The following PPL variants were observed in gnomAD, a reference collection of about 807,000 sequenced individuals.
PPL encodes the protein periplakin.
A neutral mutation model predicts 194.4 loss-of-function variants in PPL; 198 were observed. The observed-to-expected ratio is 1.02, with a 90% CI of 0.91 to 1.15. The LOEUF is 1.15. PPL is among the 50% of genes most tolerant of loss of function. The pLI is 0.00. For missense variants in PPL, 2,885 were observed against 2,294.8 expected (o/e 1.26, Z -5.25); for synonymous variants, 1,220 against 972.4 (o/e 1.25, Z -4.74).
At chr16:4,935,331 C>A (rs1318633600) in intron 1 of PPL, among the ~76,000 whole-genome samples, 1 of 152,108 alleles carries the variant, frequency 6.6e-6, no homozygotes, top group African/African-American at 2.4e-5. Flanking sequence ...GAGGGCGGGG[C>A]GAGGCCTGGC....
In PPL at chr16:4,891,949, C is replaced by G. The variant is rs747981593; in HGVS notation, c.1830G>C (p.Lys610Asn). ...LLQLLDLAQE[K>N]VDVANRLEKS... ...TCTCCAGGCGGTTGGCCACATCAACCCTGAGAGCACCAATCAGGCGTCGGG... is the reference window on the plus strand; with the variant it reads ...TCTCCAGGCGGTTGGCCACATCAACGCTGAGAGCACCAATCAGGCGTCGGG... The change falls in exon 16 of 22, where the codon AAG becomes AAC. Residue 610 changes from lysine (K) to asparagine (N), a missense_variant and splice_region_variant. Transcript: ENST00000345988. 3 of 1,612,322 alleles carry G rather than the reference C, an allele frequency of 1.9e-6. No individual in the cohort carries two copies. The South Asian group carries it at 3.3e-5, about 18-fold the overall frequency.
In PPL at chr16:4,899,365, T is replaced by C. The variant is rs1384372930; in HGVS notation, c.626A>G (p.Gln209Arg). ...QKLLAASQAR[Q>R]QHLSSLQDYM... is the part of the protein sequence containing the mutation. Reference sequence around the variant, plus strand: ...GTCCTGCAGCGAACTCAGGTGCTGCTGCCGGGCCTGTGATGCTGCCTGAAG... The same window carrying C: ...GTCCTGCAGCGAACTCAGGTGCTGCCGCCGGGCCTGTGATGCTGCCTGAAG... Residue 209 changes from glutamine to arginine, a missense_variant, in exon 7 of 22, where the codon CAG becomes CGG. Transcript: ENST00000345988. 1 of 1,608,906 alleles carries C rather than the reference T, an allele frequency of 6.2e-7. No individual in the cohort carries two copies. Among genetic ancestry groups the C allele is most frequent in the Non-Finnish European group, 8.5e-7 (1 of 1,177,476 alleles).
At chr16:4,894,742 G>A (rs1429857608) in intron 11 of PPL, 124 bp from the exon 12 acceptor site, 11 of 1,092,990 alleles carry the variant, frequency 1.0e-5, no homozygotes, top group East Asian at 2.6e-5. Flanking sequence ...GACCCTCCCC[G>A]TAGAGTGGGG....
chr16:4,888,416 A>G (rs184818528), intron 19 of PPL, among the ~76,000 whole-genome samples, 198 bp from the exon 20 acceptor site: 6 of 152,368 alleles, frequency 3.9e-5, no homozygotes, highest in Admixed American at 3.3e-4. Context: ...TCAGCAGTAC[A>G]TAGCTCCATC....
chr16:4,888,299 G>T (rs2088251840), intron 19 of PPL, 81 bp from the exon 20 acceptor site: 6 of 976,094 alleles, frequency 6.1e-6, no homozygotes, highest in African/African-American at 1.6e-5. Flanking sequence ...CCTTCAGGCT[G>T]ACCCAGACCT....
At chr16:4,930,490 T>C (rs1039287632) in intron 1 of PPL, among the ~76,000 whole-genome samples, 36 of 152,174 alleles carry the variant, frequency 2.4e-4, no homozygotes, top group Non-Finnish European at 4.6e-4. Flanking sequence ...TCTCTTGAAA[T>C]GCTGAGGGAA....
intron 1 of PPL, among the ~76,000 whole-genome samples, chr16:4,924,281 C>T (rs1016963826): frequency 2.0e-5 from 3 of 152,128 alleles, no homozygotes; most frequent in African/African-American, 2.4e-5. Context: ...ACATTATTAA[C>T]GGATATTTTA....
chr16:4,886,421 T>G (rs1279591502), intron 21 of PPL, among the ~76,000 whole-genome samples: 1 of 152,236 alleles, frequency 6.6e-6, no homozygotes, highest in African/African-American at 2.4e-5. Flanking sequence ...TGCTGCTCAC[T>G]GCACTTACAG....
chr16:4,924,811 C>A (rs1000106277), intron 1 of PPL, among the ~76,000 whole-genome samples: 4 of 152,250 alleles, frequency 2.6e-5, no homozygotes, highest in African/African-American at 9.6e-5. Context: ...CTGCTCACAG[C>A]CATCCCCTTC....
chr16:4,903,436 T>C (rs1568020991), intron 3 of PPL, among the ~76,000 whole-genome samples: 1 of 151,982 alleles, frequency 6.6e-6, no homozygotes, highest in African/African-American at 2.4e-5. Flanking sequence ...GCGCGGTGGC[T>C]CACATGTGTA....
At chr16:4,924,236 C>T (rs1450326301) in intron 1 of PPL, among the ~76,000 whole-genome samples, 6 of 152,168 alleles carry the variant, frequency 3.9e-5, no homozygotes. Context: ...CCTAATATAT[C>T]CAAAATATGA....
In PPL at chr16:4,883,329, T is replaced by C. The variant is rs1419812292; in HGVS notation, c.*55A>G. 3 of 1,605,362 alleles carry C rather than the reference T, an allele frequency of 1.9e-6. No homozygotes were observed. The African/African-American group carries it at 4.0e-5, about 21-fold the overall frequency. ...GAGAGGACGACACCAAGGAGGTCAC[T>C]GCGTCGTAGGAGAGGGCCAGCGTCT... On this transcript the variant is annotated 3_prime_UTR_variant, in exon 22 of 22. Transcript: ENST00000345988. The surrounding 1 kb of genome is among the most constrained non-coding windows in gnomAD (Gnocchi z 4.8).
In PPL at chr16:4,884,722, C is replaced by G; in HGVS notation, c.3933G>C (p.Leu1311=). The stretch of plus-strand genomic sequence containing the variant: ...TCTGCTCCTCTGAGAGCTTTGCCCT[C>G]AGAGACGCCACCTCCTCCTTGGTTT... The part of the protein sequence containing the change: ...DPQTKEEVAS[L]RAKLSEEQKK... Residue 1311 remains leucine (L), a synonymous_variant, in exon 22 of 22, where the codon CTG becomes CTC. Coordinates refer to ENST00000345988, the MANE Select transcript of PPL (RefSeq NM_002705.5). The surrounding 1 kb of genome is among the most constrained non-coding windows in gnomAD (Gnocchi z 5.7). The G allele has an allele frequency of 6.2e-7, 1 of 1,614,176 alleles. No individual in the cohort carries two copies.
In PPL at chr16:4,884,708, G is replaced by A. The variant is rs771408687; in HGVS notation, c.3947C>T (p.Ser1316Leu). The change falls in exon 22 of 22, where the codon TCA becomes TTA. Residue 1316 changes from serine (S) to leucine (L), a missense_variant. Ser to Leu is a moderately radical substitution (Grantham distance 145). Transcript: ENST00000345988. The surrounding 1 kb of genome is among the most constrained non-coding windows in gnomAD (Gnocchi z 5.7). ...EEVASLRAKL[S>L]EEQKKQVDLE... ...ATCCACTTGTTTCTTCTGCTCCTCT[G>A]AGAGCTTTGCCCTCAGAGACGCCAC... is the stretch of plus-strand genomic sequence containing the variant. 2 of 1,613,990 alleles carry A rather than the reference G, an allele frequency of 1.2e-6. No homozygotes were observed. The highest frequency in any genetic ancestry group is 1.7e-6 in the Non-Finnish European group (2 of 1,180,038).
chr16:4,920,561 C>T (rs2089029696), intron 1 of PPL, among the ~76,000 whole-genome samples: 1 of 152,012 alleles, frequency 6.6e-6, no homozygotes, highest in African/African-American at 2.4e-5. Flanking sequence ...TCTCTGGATT[C>T]AAGTGATTCT....
chr16:4,917,256 G>A (rs1311030150), intron 1 of PPL, among the ~76,000 whole-genome samples: 1 of 152,164 alleles, frequency 6.6e-6, no homozygotes, highest in Non-Finnish European at 1.5e-5. Flanking sequence ...ACTTTTTAGT[G>A]GAAACAACTC....
rs1318992620 is a variant in PPL at position 4,890,922 on chromosome 16, C to G, written c.1969-1G>C. On this transcript the variant is annotated splice_acceptor_variant, in intron 16 of 21. Coordinates refer to ENST00000345988, the MANE Select transcript of PPL (RefSeq NM_002705.5). LOFTEE classifies it high-confidence loss of function. ...GGGCCTGTAACTCACAGGCCATGGC[C>G]TGGCGGGGCAGAGGAGGAGACGGCG... The G allele has an allele frequency of 6.6e-7, 1 of 1,516,144 alleles. No individual in the cohort carries two copies. The highest frequency in any genetic ancestry group is 1.2e-5 in the South Asian group (1 of 81,832). The allele number at this position is 1,516,144 out of a possible 1,614,324, so 93.9% of individuals were successfully genotyped here. A position where few individuals can be genotyped will look rare whatever the true frequency, so the allele number is the denominator to read the frequency against.
chr16:4,912,977 G>A (rs1050922754), intron 1 of PPL, among the ~76,000 whole-genome samples: 8 of 152,058 alleles, frequency 5.3e-5, no homozygotes, highest in Admixed American at 2.0e-4. Context: ...GGTGGCATGC[G>A]CCTGTAGTCC....
chr16:4,920,712 C>T (rs1324633099), intron 1 of PPL, among the ~76,000 whole-genome samples: 4 of 152,196 alleles, frequency 2.6e-5, no homozygotes, highest in East Asian at 3.8e-4. Flanking sequence ...CTGCCTGCTT[C>T]GGCCTCCCAA....
Sources: allele counts gnomAD v4.1 joint callset (sites outside exome capture counted in the v4.1 genomes callset), GRCh38; gene constraint gnomAD v4.1.1; non-coding constraint Gnocchi (gnomAD v3.1); transcripts MANE v1.5; gene names NCBI Gene and HGNC (gene_info 2026-07-23, HGNC 2026-07-21).